PLCL2: variants seen among roughly 807,000 people sequenced by gnomAD.
The protein encoded by PLCL2 is inactive phospholipase C-like protein 2.
In PLCL2, 4 loss-of-function variants were observed where a neutral mutation model predicts 79.6. The ratio of observed to expected loss-of-function variants is 0.05; its 90% CI spans 0.02 to 0.11. The LOEUF is 0.11. Among genes scored for constraint, PLCL2 ranks in the 10% least tolerant of loss-of-function variants. The pLI is 1.00. For missense variants in PLCL2, 895 were observed against 1,291.0 expected (o/e 0.69, Z 4.70); for synonymous variants, 484 against 457.7 (o/e 1.06, Z -0.73).
intron 1 of PLCL2, among the ~76,000 whole-genome samples, chr3:16,987,285 TAGCAGGAGAGGTTTGAAG>T (rs2064060752): frequency 6.6e-6 from 1 of 152,056 alleles, no homozygotes; most frequent in African/African-American, 2.4e-5. Context: ...AAACGCTTCC[TAGCAGGAGAGGTTTGAAG>T]AGCAGGCACA....
rs191027367 is a variant in PLCL2, at chr3:16,949,348, A to G, written c.328-60326A>G. The stretch of plus-strand genomic sequence containing the variant: ...GATATTGTCAAACTTTATCTGTGGT[A>G]TAAAAAAATATTGTTTTGATTTGCA... On this transcript the variant is annotated intron_variant, in intron 1 of 5. Coordinates refer to ENST00000615277, the MANE Select transcript of PLCL2 (RefSeq NM_001144382.2). Among the ~76,000 whole-genome samples, 48 of 152,366 alleles carry G rather than the reference A, an allele frequency of 3.2e-4. No homozygotes were observed. In the East Asian group the frequency reaches 8.1e-3, roughly 26 times the overall value.
chr3:16,921,505 A>G (rs541771902), intron 1 of PLCL2, among the ~76,000 whole-genome samples: 1 of 152,328 alleles, frequency 6.6e-6, no homozygotes, highest in South Asian at 2.1e-4. Context: ...TAATCTTTTG[A>G]GGAAAACAGT....
chr3:16,912,801 A>G (rs1025218549), intron 1 of PLCL2, among the ~76,000 whole-genome samples: 2 of 152,166 alleles, frequency 1.3e-5, no homozygotes, highest in Non-Finnish European at 2.9e-5. Context: ...GCACTTTCCA[A>G]CCAAACCAGC....
At chr3:17,012,275 G>T in intron 2 of PLCL2, 115 bp downstream of exon 2, 1 of 912,846 alleles carries the variant, frequency 1.1e-6, no homozygotes, top group Admixed American at 3.2e-5. Context: ...TTTAAATTCT[G>T]ATTAGTTCTT....
At chr3:17,070,315 A>G (rs541405050) in intron 5 of PLCL2, among the ~76,000 whole-genome samples, 1 of 152,344 alleles carries the variant, frequency 6.6e-6, no homozygotes, top group East Asian at 1.9e-4. Flanking sequence ...CCTGATGCAC[A>G]TATTAATGAA....
chr3:16,956,970 CA>C (rs2063711663), intron 1 of PLCL2, among the ~76,000 whole-genome samples: 1 of 152,056 alleles, frequency 6.6e-6, no homozygotes, highest in Non-Finnish European at 1.5e-5. Flanking sequence ...TCCATCTTTT[CA>C]AAAAACCAGC....
chr3:17,089,632 G>T, intron 5 of PLCL2, 101 bp from the exon 6 acceptor site: 1 of 725,066 alleles, frequency 1.4e-6, no homozygotes, highest in Non-Finnish European at 2.3e-6. Flanking sequence ...GCCTTCTTGT[G>T]GAATCAGAAT....
intron 5 of PLCL2, among the ~76,000 whole-genome samples, chr3:17,072,682 A>AAG (rs921815931): frequency 3.3e-5 from 5 of 152,008 alleles, no homozygotes; most frequent in African/African-American, 1.2e-4. Flanking sequence ...AAAAAAAAAA[A>AAG]AAAAAGACAA....
intron 1 of PLCL2, among the ~76,000 whole-genome samples, chr3:16,925,226 GTT>G (rs35171172): frequency 3.2e-4 from 47 of 144,688 alleles, no homozygotes; most frequent in East Asian, 1.0e-3. Flanking sequence ...CCCGGCCAGG[GTT>G]TTTTTTTTTT....
At chr3:17,064,928 CAA>C (rs1395020243) in intron 4 of PLCL2, among the ~76,000 whole-genome samples, 10 of 57,176 alleles carry the variant, frequency 1.7e-4, no homozygotes, top group Non-Finnish European at 1.8e-4. Flanking sequence ...GACTCTGTCT[CAA>C]AAAAAAAAAA....
chr3:16,959,137 C>T (rs1236592277), intron 1 of PLCL2, among the ~76,000 whole-genome samples: 1 of 152,200 alleles, frequency 6.6e-6, no homozygotes, highest in African/African-American at 2.4e-5. Flanking sequence ...CATTTATCCT[C>T]ACCCTCAAAG....
At chr3:16,929,289 T>C (rs9879150) in intron 1 of PLCL2, among the ~76,000 whole-genome samples, 53,702 of 151,810 alleles carry the variant, frequency 0.35, 9,815 homozygotes, top group East Asian at 0.57. Context: ...AGTTAAGATT[T>C]GTAGGTTCCT....
intron 1 of PLCL2, among the ~76,000 whole-genome samples, chr3:16,972,613 A>G (rs531065370): frequency 1.3e-5 from 2 of 152,062 alleles, no homozygotes; most frequent in African/African-American, 4.8e-5. Flanking sequence ...TCCCACTATT[A>G]TTGTGTGATT....
intron 1 of PLCL2, among the ~76,000 whole-genome samples, chr3:16,907,678 G>C (rs2124925722): frequency 6.6e-6 from 1 of 152,238 alleles, no homozygotes; most frequent in Non-Finnish European, 1.5e-5. Flanking sequence ...GATGAGATTA[G>C]TTTCATTGGG....
At position 17,036,057 on chromosome 3, in the gene PLCL2, G is replaced by T. The variant is rs535240029; in HGVS notation, c.3019-6817G>T. On this transcript the variant is annotated intron_variant, in intron 3 of 5. Transcript: ENST00000615277. ...CCTAGGACAAGTTACTCTGGAAACG[G>T]TTTGTTATTTAGAAAGTGTTTTCAT... Among the ~76,000 whole-genome samples the T allele has an allele frequency of 3.9e-5, 6 of 152,272 alleles. No homozygotes were observed. In the South Asian group the frequency reaches 1.0e-3, roughly 26 times the overall value.
At chr3:16,997,203 T>C (rs934213704) in intron 1 of PLCL2, among the ~76,000 whole-genome samples, 1 of 152,236 alleles carries the variant, frequency 6.6e-6, no homozygotes, top group African/African-American at 2.4e-5. Flanking sequence ...TCAAAATTGG[T>C]CCGGCCAGAG....
chr3:16,889,783 T>C (rs914253374), intron 1 of PLCL2, among the ~76,000 whole-genome samples: 1 of 152,240 alleles, frequency 6.6e-6, no homozygotes, highest in Non-Finnish European at 1.5e-5. Flanking sequence ...GAAGTTGGAC[T>C]GTATTTACCA....
intron 1 of PLCL2, among the ~76,000 whole-genome samples, chr3:16,965,386 G>T (rs1346800656): frequency 6.6e-6 from 1 of 152,130 alleles, no homozygotes; most frequent in Non-Finnish European, 1.5e-5. Context: ...CTATATGTCT[G>T]TTTTGGTACC....
In PLCL2 at chr3:16,989,199, A is replaced by G. The variant is rs373572588; in HGVS notation, c.328-20475A>G. On this transcript the variant is annotated intron_variant, in intron 1 of 5. Transcript: ENST00000615277. ...AAATTTATATTGGCCTCATTTACATATATGAATGATAGTCCCTCTTTCCAG... is the reference window on the plus strand; with the variant it reads ...AAATTTATATTGGCCTCATTTACATGTATGAATGATAGTCCCTCTTTCCAG... Among the ~76,000 whole-genome samples, 9 of 152,328 alleles carry G rather than the reference A, an allele frequency of 5.9e-5. 1 individual carries two copies. The highest frequency in any genetic ancestry group is 6.5e-5 in the Admixed American group (1 of 15,292).
Sources: gnomAD v4.1 joint callset for allele counts (sites outside exome capture counted in the v4.1 genomes callset) on GRCh38, gnomAD v4.1.1 for gene constraint, MANE v1.5 for transcripts, NCBI Gene and HGNC (gene_info 2026-07-23, HGNC 2026-07-21) for gene names.